Variants in CNTNAP2 observed in about 807,000 individuals in gnomAD.
The protein encoded by CNTNAP2 is contactin associated protein 2.
Under a neutral mutation model 155.2 loss-of-function variants are expected in CNTNAP2, and 98 were observed. The ratio of observed to expected loss-of-function variants is 0.63; its 90% confidence interval spans 0.54 to 0.75. CNTNAP2 has a LOEUF of 0.75. Among genes scored for constraint, CNTNAP2 ranks in the 30% least tolerant of loss-of-function variants. The pLI, the probability that CNTNAP2 is intolerant of heterozygous loss-of-function variation, is 0.00. For missense variants in CNTNAP2, 1,727 were observed against 1,688.1 expected (o/e 1.02, Z -0.40); for synonymous variants, 651 against 631.2 (o/e 1.03, Z -0.47).
intron 13 of CNTNAP2, among the ~76,000 whole-genome samples, chr7:147,705,242 C>G (rs954263864): frequency 6.6e-6 from 1 of 152,052 alleles, no homozygotes; most frequent in African/African-American, 2.4e-5. Flanking sequence ...TTTTGGTATA[C>G]TACGTTTTGA....
At position 146,450,557 on chromosome 7, in the gene CNTNAP2, G is replaced by A. The variant is rs143764607; in HGVS notation, c.98-323714G>A. On this transcript the variant is annotated intron_variant, in intron 1 of 23. Coordinates refer to ENST00000361727, the MANE Select transcript of CNTNAP2 (RefSeq NM_014141.6). ...CTTAAGATTCGAAACAGACTTCTAAGAGCATACAAAAATGGAAACCTACAA... is the reference window on the plus strand; with the variant it reads ...CTTAAGATTCGAAACAGACTTCTAAAAGCATACAAAAATGGAAACCTACAA... 5.8e-3 allele frequency among the ~76,000 whole-genome samples: 877 copies of A among 152,256 alleles called. 7 individuals are homozygous for A. The highest frequency in any genetic ancestry group is 1.0e-2 in the Non-Finnish European group (677 of 68,022).
At chr7:148,369,851 C>T (rs532157014) in intron 21 of CNTNAP2, among the ~76,000 whole-genome samples, 38 of 151,988 alleles carry the variant, frequency 2.5e-4, no homozygotes, top group Non-Finnish European at 5.0e-4. Flanking sequence ...TAAAGGTTTT[C>T]GCTGATTTGA....
intron 18 of CNTNAP2, among the ~76,000 whole-genome samples, chr7:148,214,123 G>T (rs752211880): frequency 5.9e-5 from 9 of 152,158 alleles, no homozygotes; most frequent in Non-Finnish European, 1.0e-4. Context: ...CACCACCCCT[G>T]TGTTCCAGGG....
At chr7:146,326,417 T>G (rs1054330100) in intron 1 of CNTNAP2, among the ~76,000 whole-genome samples, 4 of 152,200 alleles carry the variant, frequency 2.6e-5, no homozygotes, top group Non-Finnish European at 4.4e-5. Flanking sequence ...GAATCTTTAT[T>G]CCATGTCAGA....
At chr7:147,941,586 G>A (rs1276146716) in intron 14 of CNTNAP2, among the ~76,000 whole-genome samples, 2 of 152,138 alleles carry the variant, frequency 1.3e-5, no homozygotes, top group African/African-American at 4.8e-5. Flanking sequence ...AATGGCAGTG[G>A]GTACACAAAC....
intron 19 of CNTNAP2, among the ~76,000 whole-genome samples, chr7:148,225,002 A>G (rs932486937): frequency 6.6e-6 from 1 of 152,174 alleles, no homozygotes; most frequent in Non-Finnish European, 1.5e-5. Context: ...ACAATTTAAG[A>G]TGACATTTGG....
At chr7:147,378,911 G>C (rs533537946) in intron 9 of CNTNAP2, among the ~76,000 whole-genome samples, 1 of 151,874 alleles carries the variant, frequency 6.6e-6, no homozygotes, top group African/African-American at 2.4e-5. Context: ...ATCTTGAATT[G>C]TAGTTCCCAT....
rs79181578 is a variant in CNTNAP2, at chr7:148,373,807, G to A, written c.3476-9842G>A. ...CTTTAGGGGTTCAGCAGTGAGAATA[G>A]GTGTTGACAGGAAGAAGTATCCAAA... On this transcript the variant is annotated intron_variant, in intron 21 of 23. Transcript: ENST00000361727. 8.0e-3 allele frequency among the ~76,000 whole-genome samples: 1,218 copies of A among 152,302 alleles called. 19 individuals are homozygous for A. The highest frequency in any genetic ancestry group is 0.028 in the African/African-American group (1,151 of 41,574).
intron 1 of CNTNAP2, among the ~76,000 whole-genome samples, chr7:146,731,879 A>G (rs144406423): frequency 1.3e-3 from 196 of 152,288 alleles, no homozygotes; most frequent in African/African-American, 4.4e-3. Flanking sequence ...TCATGTATAT[A>G]TTCCTTAGTT....
chr7:146,605,744 C>A (rs1028231125), intron 1 of CNTNAP2, among the ~76,000 whole-genome samples: 5 of 152,082 alleles, frequency 3.3e-5, no homozygotes, highest in Non-Finnish European at 5.9e-5. Context: ...CAATAGTGAG[C>A]ATAGTTGAAT....
At chr7:147,511,316 C>G (rs535729516) in intron 11 of CNTNAP2, among the ~76,000 whole-genome samples, 2 of 152,064 alleles carry the variant, frequency 1.3e-5, no homozygotes, top group Non-Finnish European at 2.9e-5. Context: ...GATCTTCATA[C>G]ACTATTTAAG....
intron 1 of CNTNAP2, among the ~76,000 whole-genome samples, chr7:146,367,420 A>G (rs1026129901): frequency 6.6e-6 from 1 of 152,136 alleles, no homozygotes; most frequent in Non-Finnish European, 1.5e-5. Flanking sequence ...TCAAAAACCA[A>G]TTTCTTTAAT....
intron 21 of CNTNAP2, among the ~76,000 whole-genome samples, chr7:148,340,434 G>A (rs1013970527): frequency 7.2e-5 from 11 of 152,178 alleles, no homozygotes; most frequent in Non-Finnish European, 1.3e-4. Context: ...CAAATTGCTT[G>A]TTTGGTTTTC....
chr7:148,039,899 C>A (rs531726792), intron 15 of CNTNAP2, among the ~76,000 whole-genome samples: 2 of 152,170 alleles, frequency 1.3e-5, no homozygotes, highest in African/African-American at 4.8e-5. Flanking sequence ...AAACATCTTA[C>A]TATAGTAGTT....
intron 1 of CNTNAP2, among the ~76,000 whole-genome samples, chr7:146,705,162 T>A (rs1585049929): frequency 6.6e-6 from 1 of 152,188 alleles, no homozygotes; most frequent in East Asian, 1.9e-4. Context: ...GTGTTTAGGA[T>A]GAGATGTTGA....
chr7:146,714,238 C>T (rs925426401), intron 1 of CNTNAP2, among the ~76,000 whole-genome samples: 1 of 152,188 alleles, frequency 6.6e-6, no homozygotes, highest in African/African-American at 2.4e-5. Context: ...CCATACTGCA[C>T]ATCTGATTGC....
intron 10 of CNTNAP2, among the ~76,000 whole-genome samples, chr7:147,455,211 T>C (rs187192755): frequency 6.6e-6 from 1 of 152,268 alleles, no homozygotes; most frequent in Admixed American, 6.5e-5. Flanking sequence ...TTTCGTTCCT[T>C]AATCTCTCTT....
intron 13 of CNTNAP2, among the ~76,000 whole-genome samples, chr7:147,880,973 T>G (rs570334576): frequency 6.6e-6 from 1 of 151,654 alleles, no homozygotes; most frequent in East Asian, 1.9e-4. Flanking sequence ...AATGTACATC[T>G]CCTGAGAAGA....
chr7:148,010,661 G>GTTT lies in CNTNAP2; in HGVS notation c.2383+32683_2383+32685dup, dbSNP rs34165242. Among the ~76,000 whole-genome samples the GTTT allele has an allele frequency of 1.5e-4, 22 of 149,100 alleles. No homozygotes were observed. The South Asian group carries it at 1.9e-3, about 13-fold the overall frequency. ...AAAGCCACCTCTGTCATACATCAAG[G>GTTT]TTTTTTTTTTTTTATTAGACTTTAT... is the stretch of plus-strand genomic sequence containing the variant. On this transcript the variant is annotated intron_variant, in intron 15 of 23. Coordinates refer to ENST00000361727, the MANE Select transcript of CNTNAP2 (RefSeq NM_014141.6).
Sources: gnomAD v4.1 joint callset for allele counts (sites outside exome capture counted in the v4.1 genomes callset) on GRCh38, gnomAD v4.1.1 for gene constraint, MANE v1.5 for transcripts, NCBI Gene and HGNC (gene_info 2026-07-23, HGNC 2026-07-21) for gene names.